The following CGGBP1 variants were observed in gnomAD, a reference collection of about 807,000 sequenced individuals.
The protein encoded by CGGBP1 is CGG triplet repeat binding protein 1, also known as CGG triplet repeat-binding protein 1.
A neutral mutation model predicts 11.4 loss-of-function variants in CGGBP1; 4 were observed. That is an observed-to-expected ratio of 0.35 (90% CI 0.17 to 0.80). CGGBP1 has a LOEUF of 0.80. CGGBP1 is among the 30% of genes least tolerant of loss of function. The probability of loss-of-function intolerance (pLI) is 0.52; values close to 1 mark genes in which losing one functional copy is unlikely to be tolerated. For missense variants in CGGBP1, 135 were observed against 202.1 expected (o/e 0.67, Z 2.01); for synonymous variants, 76 against 74.1 (o/e 1.03, Z -0.13).
upstream of CGGBP1, among the ~76,000 whole-genome samples, chr3:88,062,937 TTG>T (rs1231305752): frequency 2.0e-4 from 30 of 152,234 alleles, no homozygotes; most frequent in Non-Finnish European, 2.9e-5. Context: ...AGCTTATAAT[TTG>T]TGTTTCGCAG....
intron 2 of CGGBP1, among the ~76,000 whole-genome samples, chr3:88,092,189 A>T (rs1703783182): frequency 6.6e-6 from 1 of 152,222 alleles, no homozygotes; most frequent in African/African-American, 2.4e-5. Context: ...AAAGAGTAGT[A>T]AATCTACAAT....
chr3:88,070,708 C>T (rs1707463090), intron 2 of CGGBP1, among the ~76,000 whole-genome samples: 1 of 151,252 alleles, frequency 6.6e-6, no homozygotes, highest in Admixed American at 6.6e-5. Flanking sequence ...TACTTTTTGG[C>T]CCCTTAAGAA....
intron 1 of CGGBP1, chr3:88,141,856 A>C (rs998573496): frequency 5.1e-5 from 21 of 408,550 alleles, no homozygotes; most frequent in African/African-American, 4.1e-4. Context: ...TAAAACTCCC[A>C]AAGTACCAGT....
intron 2 of CGGBP1, among the ~76,000 whole-genome samples, chr3:88,071,604 C>A (rs575118694): frequency 6.6e-6 from 1 of 151,794 alleles, no homozygotes; most frequent in Non-Finnish European, 1.5e-5. Context: ...CCACTGCACT[C>A]CAGCCTGGGT....
chr3:88,058,760 CCA>C (rs1328136896), intron 1 of CGGBP1, 53 bp downstream of exon 1: 1 of 152,538 alleles, frequency 6.6e-6, no homozygotes, highest in Non-Finnish European at 1.5e-5. Context: ...GGCCCCGGGC[CCA>C]GAGCCCGCAC....
intron 2 of CGGBP1, among the ~76,000 whole-genome samples, chr3:88,116,820 T>C (rs925724511): frequency 6.6e-6 from 1 of 152,122 alleles, no homozygotes; most frequent in Non-Finnish European, 1.5e-5. Context: ...TAAACTGTAG[T>C]ACATGTAAAC....
At chr3:88,136,219 T>C (rs569117402) in intron 2 of CGGBP1, among the ~76,000 whole-genome samples, 3 of 152,166 alleles carry the variant, frequency 2.0e-5, no homozygotes, top group Non-Finnish European at 4.4e-5. Flanking sequence ...ATGAATCTTA[T>C]TGGTACCAAA....
chr3:88,141,149 T>C, intron 1 of CGGBP1: 1 of 1,331,938 alleles, frequency 7.5e-7, no homozygotes, highest in African/African-American at 1.5e-5. Context: ...GATATTTGTG[T>C]AGCACAGGTA....
At chr3:88,059,276 G>A (rs1412281269), upstream of CGGBP1, 4 of 1,532,472 alleles carry the variant, frequency 2.6e-6, no homozygotes, top group Non-Finnish European at 3.5e-6. Context: ...CTACGGCGGC[G>A]GCGGCGGCGC....
upstream of CGGBP1, among the ~76,000 whole-genome samples, chr3:88,059,660 T>G (rs968333214): frequency 6.8e-6 from 1 of 146,078 alleles, no homozygotes; most frequent in Admixed American, 6.8e-5. Context: ...CTTATCCGGC[T>G]TGGGGTGGGG....
intron 2 of CGGBP1, chr3:88,135,261 G>C: frequency 7.8e-7 from 1 of 1,280,362 alleles, no homozygotes; most frequent in Non-Finnish European, 1.0e-6. Flanking sequence ...ACTGAAACTT[G>C]AATCTCTTTT....
At chr3:88,118,897 G>C (rs1397506051) in intron 2 of CGGBP1, among the ~76,000 whole-genome samples, 1 of 151,272 alleles carries the variant, frequency 6.6e-6, no homozygotes, top group Non-Finnish European at 1.5e-5. Flanking sequence ...AGGTGCTGGA[G>C]AGGATGTGGA....
At chr3:88,072,256 T>C (rs2107617604) in intron 2 of CGGBP1, among the ~76,000 whole-genome samples, 1 of 152,350 alleles carries the variant, frequency 6.6e-6, no homozygotes, top group African/African-American at 2.4e-5. Flanking sequence ...ATCTTTCTCC[T>C]GGATTATTTT....
At chr3:88,066,559 AAAAC>A (rs1295013688) in intron 2 of CGGBP1, among the ~76,000 whole-genome samples, 1 of 152,172 alleles carries the variant, frequency 6.6e-6, no homozygotes, top group Non-Finnish European at 1.5e-5. Context: ...GAGACTGTGT[AAAAC>A]AAACAAACAA....
At chr3:88,113,442 C>A (rs868851782) in intron 2 of CGGBP1, among the ~76,000 whole-genome samples, 1 of 152,156 alleles carries the variant, frequency 6.6e-6, no homozygotes, top group Admixed American at 6.6e-5. Flanking sequence ...CCTGCTACCA[C>A]CCTTGTGGAT....
At chr3:88,075,850 A>G (rs1707772679) in intron 2 of CGGBP1, among the ~76,000 whole-genome samples, 3 of 152,116 alleles carry the variant, frequency 2.0e-5, no homozygotes. Context: ...AAGTGCATCA[A>G]AAAGCATTCA....
chr3:88,084,084 C>G (rs1380581010), intron 2 of CGGBP1, among the ~76,000 whole-genome samples: 1 of 152,042 alleles, frequency 6.6e-6, no homozygotes, highest in Non-Finnish European at 1.5e-5. Flanking sequence ...GTTTATGTCC[C>G]TTTCAGGGTA....
chr3:88,061,149 G>C (rs6806879), upstream of CGGBP1, among the ~76,000 whole-genome samples: 8,667 of 152,016 alleles, frequency 0.057, 273 homozygotes, highest in Admixed American at 0.079. Flanking sequence ...GGTAGATTTT[G>C]TATCTATAGG....
At chr3:88,058,316 C>G (rs1427251842) in intron 1 of CGGBP1, 93 bp from the exon 2 acceptor site, 2 of 152,266 alleles carry the variant, frequency 1.3e-5, no homozygotes, top group Admixed American at 6.5e-5. Context: ...ACTGCCACCA[C>G]GCAGGTGTTT....
Sources: allele counts gnomAD v4.1 joint callset (sites outside exome capture counted in the v4.1 genomes callset), GRCh38; gene constraint gnomAD v4.1.1; transcripts MANE v1.5; gene names NCBI Gene and HGNC (gene_info 2026-07-23, HGNC 2026-07-21).